RHBDD2: variants seen among roughly 807,000 people sequenced by gnomAD.
RHBDD2 encodes the protein rhomboid domain-containing protein 2.
Under a neutral mutation model 21.7 loss-of-function variants are expected in RHBDD2, and 13 were observed. The ratio of observed to expected loss-of-function variants is 0.60; its 90% confidence interval spans 0.39 to 0.95. The LOEUF is 0.95. Ranked by LOEUF, RHBDD2 falls within the 40% of genes least tolerant of loss-of-function variation. The probability of loss-of-function intolerance (pLI) is 0.00; values close to 1 mark genes in which losing one functional copy is unlikely to be tolerated. For synonymous variants in RHBDD2, 225 were observed against 220.0 expected (o/e 1.02, Z -0.20); for missense variants, 473 against 478.9 (o/e 0.99, Z 0.11).
intron 3 of RHBDD2, among the ~76,000 whole-genome samples, chr7:75,885,249 T>C (rs573335004): frequency 6.6e-6 from 1 of 152,276 alleles, no homozygotes; most frequent in Admixed American, 6.5e-5. Context: ...TGGAAAGTGC[T>C]GGTAAGCCGC....
At chr7:75,882,467 GCACCACTA>G in intron 2 of RHBDD2, among the ~76,000 whole-genome samples, 1 of 152,130 alleles carries the variant, frequency 6.6e-6, no homozygotes, top group African/African-American at 2.4e-5. Context: ...CTACAGGTGT[GCACCACTA>G]CACCCGGCTA....
At chr7:75,882,726 G>T (rs1391948576) in intron 2 of RHBDD2, among the ~76,000 whole-genome samples, 1 of 151,752 alleles carries the variant, frequency 6.6e-6, no homozygotes, top group African/African-American at 2.4e-5. Context: ...AGATTTTGTT[G>T]TTTTCCTTTA....
At chr7:75,883,468 A>G (rs569561144) in intron 2 of RHBDD2, 120 of 341,360 alleles carry the variant, frequency 3.5e-4, no homozygotes, top group Non-Finnish European at 5.9e-4. Context: ...CAGTGAGCCA[A>G]GATCACACCA....
rs988723492 is a variant in RHBDD2, at chr7:75,888,006, C to T, written c.752C>T (p.Pro251Leu). The change falls in exon 4 of 4, where the codon CCT (proline) becomes CTT (leucine). Residue 251 changes from proline (P) to leucine (L), a missense_variant. Pro to Leu is a moderately conservative substitution (Grantham distance 98, BLOSUM62 -3). Transcript: ENST00000006777. ...TTCCATTCCAGACTGAACCCGGTGC[C>T]TGGCTCCTACCCCACACAGAGCTGC... is the stretch of plus-strand genomic sequence containing the variant. ...AAQSRKLNPV[P>L]GSYPTQSCHP... The T allele has an allele frequency of 5.0e-6, 8 of 1,611,828 alleles. No homozygotes were observed. The highest frequency in any genetic ancestry group is 3.3e-5 in the Admixed American group (2 of 59,952).
Position 75,882,202 on chromosome 7 carries a change from C to T in RHBDD2, c.552C>T (p.Leu184=). 2 of 1,613,900 alleles carry T rather than the reference C, an allele frequency of 1.2e-6. No homozygotes were observed. Among genetic ancestry groups the T allele is most frequent in the Non-Finnish European group, 1.7e-6 (2 of 1,179,874 alleles). ...GGCTCATTCCCCAGACCTCTTTCCT[C>T]AGTAATGTCTGCGGGCTGTCCATCG... ...ASWLIPQTSF[L]SNVCGLSIGL... Residue 184 remains leucine (L), a synonymous_variant, in exon 2 of 4, where the codon CTC becomes CTT. Transcript: ENST00000006777.
intron 3 of RHBDD2, among the ~76,000 whole-genome samples, chr7:75,886,744 G>T (rs1403010943): frequency 6.6e-6 from 1 of 151,958 alleles, no homozygotes; most frequent in Non-Finnish European, 1.5e-5. Flanking sequence ...AACCTGGGAG[G>T]TGGAGCTTGC....
At chr7:75,887,389 C>T (rs928034117) in intron 3 of RHBDD2, among the ~76,000 whole-genome samples, 51 of 151,432 alleles carry the variant, frequency 3.4e-4, no homozygotes, top group Middle Eastern at 3.4e-3. Context: ...ACAATCTTGG[C>T]TCACTGCAAC....
At chr7:75,881,268 A>T in intron 1 of RHBDD2, 1 of 1,070,470 alleles carries the variant, frequency 9.3e-7, no homozygotes. Context: ...CTTTCTGAGG[A>T]GACTTATAAT....
chr7:75,881,270 A>G, intron 1 of RHBDD2: 2 of 1,086,258 alleles, frequency 1.8e-6, no homozygotes, highest in Middle Eastern at 2.7e-4. Context: ...TTCTGAGGAG[A>G]CTTATAATTT....
At position 75,879,377 on chromosome 7, in the gene RHBDD2, C is replaced by T. The variant is rs781834383; in HGVS notation, c.178+117C>T. The T allele has an allele frequency of 4.5e-4, 454 of 1,016,386 alleles. 2 individuals carry two copies. Among genetic ancestry groups the T allele is most frequent in the Admixed American group, 1.9e-3 (48 of 25,820 alleles). 63.0% of individuals were successfully genotyped at this position (1,016,386 alleles called of 1,614,324 possible). A position where few individuals can be genotyped will look rare whatever the true frequency, so the allele number is the denominator to read the frequency against. ...GGCCTCACCGCCAGTCTCCCCCTGT[C>T]TCGGTCCTCATCACCATGCCCGCCC... On this transcript the variant is annotated intron_variant, in intron 1 of 3. Coordinates refer to ENST00000006777, the MANE Select transcript of RHBDD2 (RefSeq NM_001040456.3).
At position 75,888,343 on chromosome 7, in the gene RHBDD2, G is replaced by T; in HGVS notation, c.1089G>T (p.Met363Ile). ...AGSKESSRVP[M>I]P ...CCAAGGAGTCCTCCAGGGTCCCCAT[G>T]CCCTGAGAGAATTTCTAGGGAAGTC... Residue 363 changes from methionine (M) to isoleucine (I), a missense_variant, in exon 4 of 4, where the codon ATG (methionine) becomes ATT (isoleucine). Physicochemically the swap from Met to Ile is conservative, Grantham distance 10. Coordinates refer to ENST00000006777, the MANE Select transcript of RHBDD2 (RefSeq NM_001040456.3). The T allele has an allele frequency of 6.2e-7, 1 of 1,607,606 alleles. No homozygotes were observed. Among genetic ancestry groups the T allele is most frequent in the Non-Finnish European group, 8.5e-7 (1 of 1,177,958 alleles).
At chr7:75,879,475 G>C (rs1421341367) in intron 1 of RHBDD2, among the ~76,000 whole-genome samples, 2 of 152,090 alleles carry the variant, frequency 1.3e-5, no homozygotes, top group African/African-American at 4.8e-5. Flanking sequence ...CCCCATCTTC[G>C]TCATCACTGT....
At chr7:75,881,320 C>G (rs1445191191) in intron 1 of RHBDD2, 4 of 1,284,950 alleles carry the variant, frequency 3.1e-6, no homozygotes, top group Non-Finnish European at 4.1e-6. Context: ...ATAATTCTTA[C>G]AGCTGCAAAA....
In RHBDD2 at chr7:75,888,569, G is replaced by A; in HGVS notation, c.*220G>A. 3.8e-6 allele frequency: 2 copies of A among 527,610 alleles called. No individual in the cohort carries two copies. Among genetic ancestry groups the A allele is most frequent in the Non-Finnish European group, 6.7e-6 (2 of 297,172 alleles). 32.7% of individuals were successfully genotyped at this position (527,610 alleles called of 1,614,324 possible). The stretch of plus-strand genomic sequence containing the variant: ...CAGAAAGCGAGACGTTCTGCCATCA[G>A]ATAAAGTCACGTGGCTCTTTAGTAA... On this transcript the variant is annotated 3_prime_UTR_variant, in exon 4 of 4. Transcript: ENST00000006777.
intron 3 of RHBDD2, among the ~76,000 whole-genome samples, chr7:75,887,038 G>A (rs1264204185): frequency 6.6e-6 from 1 of 152,068 alleles, no homozygotes; most frequent in Non-Finnish European, 1.5e-5. Flanking sequence ...CAGCCTGACA[G>A]TGGGTCCAGG....
Position 75,881,972 on chromosome 7 carries a change from A to T in RHBDD2, c.322A>T (p.Ile108Phe). The change falls in exon 2 of 4, where the codon ATC becomes TTC. Residue 108 changes from isoleucine (I) to phenylalanine (F), a missense_variant. Ile to Phe is a conservative substitution (Grantham distance 21). Transcript: ENST00000006777. ...CTGCTTCTTCACCGTGATCTTCGCC[A>T]TCTTCTCCGCTATCATCTTCCTGTC... ...RHCFFTVIFA[I>F]FSAIIFLSFE... 1 of 1,614,214 alleles carries T rather than the reference A, an allele frequency of 6.2e-7. No homozygotes were observed. Among genetic ancestry groups the T allele is most frequent in the Non-Finnish European group, 8.5e-7 (1 of 1,180,046 alleles).
At position 75,888,077 on chromosome 7, in the gene RHBDD2, G is replaced by A. The variant is rs782696848; in HGVS notation, c.823G>A (p.Ala275Thr). 1.8e-5 allele frequency: 29 copies of A among 1,613,630 alleles called. No homozygotes were observed. Among genetic ancestry groups the A allele is most frequent in the East Asian group, 2.2e-5 (1 of 44,882 alleles). Reference sequence around the variant, plus strand: ...CCACCCTGTGTCCCAGACGCAGCACGCCAGTGGTCAGAAGCTGGCCTCCTG... The same window carrying A: ...CCACCCTGTGTCCCAGACGCAGCACACCAGTGGTCAGAAGCTGGCCTCCTG... Reference protein sequence around the residue: ...PSHPVSQTQHASGQKLASWPS... With the variant: ...PSHPVSQTQHTSGQKLASWPS... Residue 275 changes from alanine to threonine, a missense_variant, in exon 4 of 4, where the codon GCC (alanine) becomes ACC (threonine). Transcript: ENST00000006777.
At chr7:75,886,306 C>T (rs145067720) in intron 3 of RHBDD2, among the ~76,000 whole-genome samples, 5 of 152,274 alleles carry the variant, frequency 3.3e-5, no homozygotes, top group East Asian at 1.9e-4. Flanking sequence ...GCGGACTCAC[C>T]GCATTATTGC....
chr7:75,879,209 CT>C lies in RHBDD2; in HGVS notation c.128del (p.Leu43ArgfsTer8). The C allele has an allele frequency of 6.6e-7, 1 of 1,522,738 alleles. No homozygotes were observed. The highest frequency in any genetic ancestry group is 8.8e-7 in the Non-Finnish European group (1 of 1,133,668). 94.3% of individuals were successfully genotyped at this position (1,522,738 alleles called of 1,614,324 possible). A position where few individuals can be genotyped will look rare whatever the true frequency, so the allele number is the denominator to read the frequency against. On this transcript the variant is annotated frameshift_variant, in exon 1 of 4. Coordinates refer to ENST00000006777, the MANE Select transcript of RHBDD2 (RefSeq NM_001040456.3). LOFTEE classifies it high-confidence loss of function. ...TCGCCTGTTCCTGCTGCAGCAGCCC[CT>C]GGCGCCCTCGGGCCTCACGCTGAAG... is the stretch of plus-strand genomic sequence containing the variant. Reference protein sequence around the residue: ...GPRLFLLQQPLAPSGLTLKSE... With the variant: ...GPRLFLLQQPXAPSGLTLKSE...
Sources: allele counts gnomAD v4.1 joint callset (sites outside exome capture counted in the v4.1 genomes callset), GRCh38; gene constraint gnomAD v4.1.1; transcripts MANE v1.5; gene names NCBI Gene and HGNC (gene_info 2026-07-23, HGNC 2026-07-21).